NELL2: variants seen among roughly 807,000 people sequenced by gnomAD.
NELL2 encodes the protein protein kinase C-binding protein NELL2.
NELL2 carries 41 observed loss-of-function variants against 109.6 expected under a neutral mutation model. The observed-to-expected ratio is 0.37, with a 90% CI of 0.29 to 0.49. The LOEUF (loss-of-function observed/expected upper bound fraction) is 0.49. Among genes scored for constraint, NELL2 ranks in the 20% least tolerant of loss-of-function variants. NELL2 has a pLI of 0.98. For synonymous variants in NELL2, 355 were observed against 344.7 expected, an observed-to-expected ratio of 1.03 and a Z score of -0.33; for missense variants, 900 against 1,008.3, an observed-to-expected ratio of 0.89 and a Z score of 1.45.
intron 9 of NELL2, among the ~76,000 whole-genome samples, chr12:44,736,006 T>C (rs934777291): frequency 8.5e-5 from 8 of 94,142 alleles, no homozygotes; most frequent in African/African-American, 3.9e-4. Context: ...AGTTAATTCT[T>C]TTTTTTTTTT....
chr12:44,552,011 T>G (rs1339615685), intron 15 of NELL2, among the ~76,000 whole-genome samples: 1 of 152,152 alleles, frequency 6.6e-6, no homozygotes, highest in Non-Finnish European at 1.5e-5. Flanking sequence ...TTCGGGAGAC[T>G]GGTCCCAGAA....
At chr12:44,899,785 C>G (rs577442978) in intron 1 of NELL2, among the ~76,000 whole-genome samples, 1 of 152,192 alleles carries the variant, frequency 6.6e-6, no homozygotes, top group African/African-American at 2.4e-5. Flanking sequence ...TGTAAATGGG[C>G]TAAATTGCCC....
chr12:44,667,503 GATTC>G (rs1947965621), intron 12 of NELL2, among the ~76,000 whole-genome samples: 1 of 152,220 alleles, frequency 6.6e-6, no homozygotes, highest in Admixed American at 6.5e-5. Context: ...GAGCCAGCCA[GATTC>G]GGCTCAGCTC....
chr12:44,547,272 A>G (rs1942835856), intron 15 of NELL2, among the ~76,000 whole-genome samples: 2 of 152,224 alleles, frequency 1.3e-5, no homozygotes, highest in South Asian at 4.1e-4. Context: ...CTCAGCATTA[A>G]GCTGCTAGAG....
In NELL2 at chr12:44,526,930, G is replaced by C. The variant is rs1195363967; in HGVS notation, c.1805-3446C>G. Among the ~76,000 whole-genome samples the C allele has an allele frequency of 4.6e-5, 7 of 152,286 alleles. No individual in the cohort carries two copies. The East Asian group carries it at 9.7e-4, about 21-fold the overall frequency. On this transcript the variant is annotated intron_variant, in intron 16 of 19. Transcript: ENST00000429094. ...CTTTCATCACCTCCTTTCTCAAAAA[G>C]AGCCCTTCATACGCATGTTCAAACT...
intron 1 of NELL2, among the ~76,000 whole-genome samples, chr12:44,911,470 A>C (rs1041348379): frequency 6.6e-6 from 1 of 152,036 alleles, no homozygotes; most frequent in African/African-American, 2.4e-5. Context: ...TTTAAATTAT[A>C]ATCTTTCAAA....
chr12:44,549,741 A>G (rs931913648), intron 15 of NELL2, among the ~76,000 whole-genome samples: 2 of 152,178 alleles, frequency 1.3e-5, no homozygotes, highest in Non-Finnish European at 2.9e-5. Context: ...AAATTAATTA[A>G]AGTAGATATA....
intron 11 of NELL2, among the ~76,000 whole-genome samples, chr12:44,707,246 C>G (rs553772473): frequency 2.0e-5 from 3 of 152,158 alleles, no homozygotes; most frequent in Non-Finnish European, 4.4e-5. Flanking sequence ...GGCATATTAT[C>G]TACTTCAAGC....
At chr12:44,798,241 T>G (rs963655214) in intron 3 of NELL2, among the ~76,000 whole-genome samples, 1 of 151,844 alleles carries the variant, frequency 6.6e-6, no homozygotes, top group South Asian at 2.1e-4. Context: ...TTTTCAAATC[T>G]ATAAGGTATA....
intron 13 of NELL2, among the ~76,000 whole-genome samples, chr12:44,625,171 C>A (rs1592227433): frequency 6.6e-6 from 1 of 151,708 alleles, no homozygotes; most frequent in South Asian, 2.1e-4. Context: ...GCATATTTGC[C>A]TAAACTGTTT....
intron 19 of NELL2, among the ~76,000 whole-genome samples, chr12:44,512,968 G>GAATGTTCCC (rs1941068206): frequency 6.6e-6 from 1 of 151,932 alleles, no homozygotes. Flanking sequence ...AAAGGATTTT[G>GAATGTTCCC]AATGTTCCCA....
At chr12:44,891,359 T>C (rs1374382561) in intron 1 of NELL2, among the ~76,000 whole-genome samples, 1 of 152,118 alleles carries the variant, frequency 6.6e-6, no homozygotes, top group Non-Finnish European at 1.5e-5. Context: ...CACACTCCAA[T>C]CCCTAGCAGA....
At chr12:44,510,117 C>A (rs1197247989) in intron 19 of NELL2, among the ~76,000 whole-genome samples, 2 of 152,186 alleles carry the variant, frequency 1.3e-5, no homozygotes, top group Non-Finnish European at 2.9e-5. Flanking sequence ...TGATTCCCTG[C>A]ACTCTTACTT....
chr12:44,537,457 CT>C (rs894646212), intron 15 of NELL2, among the ~76,000 whole-genome samples: 1 of 151,866 alleles, frequency 6.6e-6, no homozygotes, highest in African/African-American at 2.4e-5. Flanking sequence ...AAATCCATCT[CT>C]TTTTTTTGGA....
Position 44,520,008 on chromosome 12 carries a change from G to A in NELL2, c.2397C>T (p.Cys799=). 6 of 1,612,650 alleles carry A rather than the reference G, an allele frequency of 3.7e-6. No individual in the cohort carries two copies. Among genetic ancestry groups the A allele is most frequent in the Non-Finnish European group, 5.1e-6 (6 of 1,178,716 alleles). Residue 799 remains cysteine, a synonymous_variant, in exon 19 of 20, where the codon TGC becomes TGT. Coordinates refer to ENST00000429094, the MANE Select transcript of NELL2 (RefSeq NM_001145108.2). Reference sequence around the variant, plus strand: ...ATTTAAATTTAATGGAGTTTACCTTGCACTGGCAGAGAGTACACTCAGTGC... The same window carrying A: ...ATTTAAATTTAATGGAGTTTACCTTACACTGGCAGAGAGTACACTCAGTGC... ...KHGTECTLCQ[C]KNGHICCSVD...
intron 1 of NELL2, among the ~76,000 whole-genome samples, chr12:44,905,495 A>T (rs978372885): frequency 6.6e-6 from 1 of 152,042 alleles, no homozygotes; most frequent in Non-Finnish European, 1.5e-5. Context: ...TTTCATTAGT[A>T]AAGATTTTTA....
intron 12 of NELL2, among the ~76,000 whole-genome samples, chr12:44,681,127 T>A (rs1429225407): frequency 6.6e-6 from 1 of 151,236 alleles, no homozygotes; most frequent in African/African-American, 2.4e-5. Flanking sequence ...TAAATATTTA[T>A]TCATTGGATA....
intron 3 of NELL2, among the ~76,000 whole-genome samples, chr12:44,805,823 G>A (rs117593373): frequency 2.6e-5 from 4 of 151,834 alleles, no homozygotes; most frequent in Non-Finnish European, 4.4e-5. Flanking sequence ...CCTCACTAGA[G>A]TAACACAAAC....
At chr12:44,760,200 T>A in intron 9 of NELL2, among the ~76,000 whole-genome samples, 1 of 152,168 alleles carries the variant, frequency 6.6e-6, no homozygotes, top group African/African-American at 2.4e-5. Flanking sequence ...TTAGTCCACC[T>A]CCGAAATATT....
Sources: allele counts gnomAD v4.1 joint callset (sites outside exome capture counted in the v4.1 genomes callset), GRCh38; gene constraint gnomAD v4.1.1; transcripts MANE v1.5; gene names NCBI Gene and HGNC (gene_info 2026-07-23, HGNC 2026-07-21).